CAP1: variants seen among roughly 807,000 people sequenced by gnomAD.
CAP1 encodes the protein cyclase associated actin cytoskeleton regulatory protein 1.
Under a neutral mutation model 58.2 loss-of-function variants are expected in CAP1, and 11 were observed. That is an observed-to-expected ratio of 0.19 (90% CI 0.12 to 0.31). The LOEUF (loss-of-function observed/expected upper bound fraction) is 0.31. CAP1 is among the 10% of genes least tolerant of loss of function. CAP1 has a pLI of 1.00. For missense variants in CAP1, 423 were observed against 587.5 expected, an observed-to-expected ratio of 0.72 and a Z score of 2.89; for synonymous variants, 183 against 213.8, an observed-to-expected ratio of 0.86 and a Z score of 1.26.
chr1:40,071,870 A>G lies in CAP1; in HGVS notation c.*337A>G. ...CCAACAAACAGTCCATTGGAAAGAA[A>G]ACAGTCCCTGGAATTAACAGATCAG... On this transcript the variant is annotated 3_prime_UTR_variant, in exon 13 of 13. Transcript: ENST00000372805. The G allele has an allele frequency of 2.3e-6, 1 of 442,188 alleles. No individual in the cohort carries two copies. Among genetic ancestry groups the G allele is most frequent in the Non-Finnish European group, 4.0e-6 (1 of 249,736 alleles). The allele number at this position is 442,188 out of a possible 1,614,324, so 27.4% of individuals were successfully genotyped here.
chr1:40,041,236 C>T (rs1570316825), intron 1 of CAP1, among the ~76,000 whole-genome samples: 1 of 152,362 alleles, frequency 6.6e-6, no homozygotes, highest in East Asian at 1.9e-4. Flanking sequence ...AGATAACCAG[C>T]CCCAGTTCTT....
chr1:40,060,140 T>C lies in CAP1; in HGVS notation c.186T>C (p.Ser62=), dbSNP rs1646787006. ...AGPVAEYLKI[S]KEIGGDVQKH... ...CTGTGGCAGAGTACTTGAAGATCAG[T>C]AAAGAGATTGGGGGAGACGTGCAGA... The change falls in exon 3 of 13, where the codon AGT becomes AGC. Residue 62 remains serine, a synonymous_variant. Coordinates refer to ENST00000372805, the MANE Select transcript of CAP1 (RefSeq NM_006367.4). 2.5e-6 allele frequency: 4 copies of C among 1,613,764 alleles called. No individual in the cohort carries two copies. Among genetic ancestry groups the C allele is most frequent in the South Asian group, 1.1e-5 (1 of 91,058 alleles).
At chr1:40,044,736 T>C (rs1646000843) in intron 1 of CAP1, among the ~76,000 whole-genome samples, 1 of 151,606 alleles carries the variant, frequency 6.6e-6, no homozygotes, top group South Asian at 2.1e-4. Context: ...CTTATTAAAT[T>C]AGAACAGGGT....
At chr1:40,047,294 A>C (rs1050561412) in intron 1 of CAP1, among the ~76,000 whole-genome samples, 1 of 152,200 alleles carries the variant, frequency 6.6e-6, no homozygotes, top group Non-Finnish European at 1.5e-5. Context: ...CTATATGTTA[A>C]CCTGATAAAA....
chr1:40,046,661 A>C (rs1318464165), intron 1 of CAP1, among the ~76,000 whole-genome samples: 3 of 152,122 alleles, frequency 2.0e-5, no homozygotes, highest in Non-Finnish European at 4.4e-5. Context: ...AATTTAGATG[A>C]TACTGCACAT....
intron 8 of CAP1, 128 bp downstream of exon 8, chr1:40,067,845 C>G: frequency 1.6e-6 from 1 of 611,424 alleles, no homozygotes; most frequent in Non-Finnish European, 2.8e-6. Flanking sequence ...TGTCCTGTTC[C>G]TTTAAGGGAC....
intron 8 of CAP1, among the ~76,000 whole-genome samples, chr1:40,068,087 A>C (rs758308331): frequency 3.6e-4 from 55 of 152,112 alleles, no homozygotes; most frequent in Non-Finnish European, 1.0e-4. Flanking sequence ...TTACATGGAA[A>C]ATTTGCATGA....
chr1:40,071,053 A>G, intron 12 of CAP1, 74 bp downstream of exon 12: 3 of 1,400,756 alleles, frequency 2.1e-6, no homozygotes, highest in Non-Finnish European at 2.9e-6. Flanking sequence ...GAAGAAAGCT[A>G]TTTTATGAAC....
chr1:40,072,251 G>GTA lies in CAP1; in HGVS notation c.*718_*719insTA, dbSNP rs1648178560. ...CCTTCCTATAGAGATGACTTTAAAA[G>GTA]GAAAAAAAAAAAAAAAAAAACCCAC... is the stretch of plus-strand genomic sequence containing the variant. On this transcript the variant is annotated 3_prime_UTR_variant, in exon 13 of 13. Coordinates refer to ENST00000372805, the MANE Select transcript of CAP1 (RefSeq NM_006367.4). 3.7e-5 allele frequency: 9 copies of GTA among 241,216 alleles called. No homozygotes were observed. The highest frequency in any genetic ancestry group is 2.0e-4 in the African/African-American group (3 of 14,934). 14.9% of individuals were successfully genotyped at this position (241,216 alleles called of 1,614,324 possible).
At chr1:40,068,811 T>C (rs972734121) in intron 8 of CAP1, among the ~76,000 whole-genome samples, 1 of 145,942 alleles carries the variant, frequency 6.9e-6, no homozygotes, top group African/African-American at 2.5e-5. Context: ...AAAAGAAATA[T>C]ATTTTTACTT....
chr1:40,071,702 G>A lies in CAP1; in HGVS notation c.*169G>A, dbSNP rs1648067945. The A allele has an allele frequency of 1.7e-6, 1 of 575,860 alleles. No homozygotes were observed. The highest frequency in any genetic ancestry group is 3.1e-6 in the Non-Finnish European group (1 of 321,330). The allele number at this position is 575,860 out of a possible 1,614,324, so 35.7% of individuals were successfully genotyped here. On this transcript the variant is annotated 3_prime_UTR_variant, in exon 13 of 13. Transcript: ENST00000372805. ...AAATATACCTCAGGCTGAAATTTGG[G>A]GTGGGATAGCAGGTCAGTTGATCTT...
chr1:40,070,086 G>A, intron 9 of CAP1, 73 bp from the exon 10 acceptor site: 1 of 1,599,008 alleles, frequency 6.3e-7, no homozygotes, highest in East Asian at 2.2e-5. Context: ...AGAACAAAAA[G>A]TTTGGGATAG....
intron 1 of CAP1, among the ~76,000 whole-genome samples, chr1:40,043,429 C>G (rs1300987269): frequency 6.6e-6 from 1 of 152,118 alleles, no homozygotes; most frequent in African/African-American, 2.4e-5. Context: ...AACTCCTGAC[C>G]TCGTGATCCG....
chr1:40,045,251 C>T (rs1439484632), intron 1 of CAP1, among the ~76,000 whole-genome samples: 1 of 152,146 alleles, frequency 6.6e-6, no homozygotes, highest in East Asian at 1.9e-4. Flanking sequence ...TTGAGAATTG[C>T]TGCGTTAGAA....
chr1:40,071,374 G>A, intron 12 of CAP1, 76 bp from the exon 13 acceptor site: 2 of 1,032,630 alleles, frequency 1.9e-6, no homozygotes, highest in South Asian at 1.4e-5. Flanking sequence ...AGCAAGCATT[G>A]GGAGAAATGT....
At chr1:40,054,193 C>CTTTTTTTTTTTTTTTTTT (rs398052925) in intron 1 of CAP1, among the ~76,000 whole-genome samples, 7 of 136,394 alleles carry the variant, frequency 5.1e-5, no homozygotes, top group African/African-American at 1.1e-4. Context: ...GCCCACTGTT[C>CTTTTTTTTTTTTTTTTTT]TTTTTTTTTT....
At chr1:40,061,386 GT>G (rs1410334009) in intron 3 of CAP1, among the ~76,000 whole-genome samples, 3 of 152,250 alleles carry the variant, frequency 2.0e-5, no homozygotes, top group South Asian at 4.1e-4. Context: ...AAAGAAAGGT[GT>G]TTTTTTGGTT....
At chr1:40,040,396 T>C (rs1336613864), upstream of CAP1, 1 of 152,364 alleles carries the variant, frequency 6.6e-6, no homozygotes, top group Non-Finnish European at 1.5e-5. Context: ...GTCACTCTTC[T>C]GTTCTTTCCA....
At chr1:40,042,529 A>G (rs1035493274) in intron 1 of CAP1, among the ~76,000 whole-genome samples, 1 of 152,218 alleles carries the variant, frequency 6.6e-6, no homozygotes. Flanking sequence ...TGTGACTGGA[A>G]TTCTAGTAAT....
Sources: allele counts gnomAD v4.1 joint callset (sites outside exome capture counted in the v4.1 genomes callset), GRCh38; gene constraint gnomAD v4.1.1; transcripts MANE v1.5; gene names NCBI Gene and HGNC (gene_info 2026-07-23, HGNC 2026-07-21).